The following SYNJ1 variants were observed in gnomAD, a reference collection of about 807,000 sequenced individuals.
SYNJ1 encodes synaptojanin 1.
In SYNJ1, 78 loss-of-function variants were observed where a neutral mutation model predicts 168.2. That is an observed-to-expected ratio of 0.46 (90% CI 0.39 to 0.56). The LOEUF is 0.56. SYNJ1 is among the 20% of genes least tolerant of loss of function. SYNJ1 has a pLI of 0.00. For missense variants in SYNJ1, 1,303 were observed against 1,597.6 expected, an observed-to-expected ratio of 0.82 and a Z score of 3.14; for synonymous variants, 539 against 548.6, an observed-to-expected ratio of 0.98 and a Z score of 0.24.
intron 2 of SYNJ1, among the ~76,000 whole-genome samples, chr21:32,717,854 C>T (rs1340763249): frequency 6.6e-6 from 1 of 152,186 alleles, no homozygotes; most frequent in African/African-American, 2.4e-5. Flanking sequence ...CTTGGCCTCC[C>T]CATATTCCCT....
Position 32,646,588 on chromosome 21 carries a change from A to G in SYNJ1, c.3052T>C (p.Tyr1018His), listed in dbSNP as rs867930716. ...AGAAGTTCCTCCACTTCAGCACTAT[A>G]GTCATCAACATCACCTAAGGAAAAG... ...DFDMEGDVDD[Y>H]SAEVEELLPQ... Residue 1018 changes from tyrosine to histidine, a missense_variant, in exon 24 of 33, where the codon TAT (tyrosine) becomes CAT (histidine). Tyr to His is a moderately conservative substitution (Grantham distance 83). This residue lies in a region of SYNJ1 where 383 missense variants were observed against 388.8 expected (regional missense o/e 0.99). Coordinates refer to ENST00000674351, the MANE Select transcript of SYNJ1 (RefSeq NM_203446.3). 4 of 1,613,938 alleles carry G rather than the reference A, an allele frequency of 2.5e-6. No homozygotes were observed. Among genetic ancestry groups the G allele is most frequent in the East Asian group, 2.2e-5 (1 of 44,906 alleles).
At chr21:32,699,312 T>A (rs1249072170) in intron 4 of SYNJ1, among the ~76,000 whole-genome samples, 1 of 152,172 alleles carries the variant, frequency 6.6e-6, no homozygotes. Flanking sequence ...CTCACCAAGG[T>A]TTGGGGGATC....
At chr21:32,694,963 A>T (rs2042150993) in intron 5 of SYNJ1, 94 bp downstream of exon 5, 7 of 1,239,850 alleles carry the variant, frequency 5.6e-6, no homozygotes, top group Non-Finnish European at 5.6e-6. Flanking sequence ...AGATGTTAAA[A>T]TAAGCTCCGA....
chr21:32,683,270 T>C (rs145623921), intron 10 of SYNJ1, among the ~76,000 whole-genome samples: 1 of 152,202 alleles, frequency 6.6e-6, no homozygotes, highest in African/African-American at 2.4e-5. Flanking sequence ...AAGCTCAGCA[T>C]TGCTAAATAG....
Position 32,656,719 on chromosome 21 carries a change from C to T in SYNJ1, c.2763G>A (p.Gln921=). The T allele has an allele frequency of 6.2e-7, 1 of 1,613,834 alleles. No homozygotes were observed. The highest frequency in any genetic ancestry group is 1.1e-5 in the South Asian group (1 of 91,052). ...GTATAACTTCACCAAAACTTGCAAA[C>T]TGCTGCAGAAGCTCATCAATCAAGG... ...DDALIDELLQ[Q]FASFGEVILI... The change falls in exon 21 of 33, where the codon CAG becomes CAA. Residue 921 remains glutamine, a synonymous_variant. Transcript: ENST00000674351.
Position 32,631,714 on chromosome 21 carries a change from C to T in SYNJ1, c.*91G>A. 1 of 1,614,208 alleles carries T rather than the reference C, an allele frequency of 6.2e-7. No homozygotes were observed. The highest frequency in any genetic ancestry group is 8.5e-7 in the Non-Finnish European group (1 of 1,180,032). On this transcript the variant is annotated 3_prime_UTR_variant, in exon 33 of 33. Coordinates refer to ENST00000674351, the MANE Select transcript of SYNJ1 (RefSeq NM_203446.3). ...TGAACAGATAGCTGAGCCTTTGATA[C>T]AGCAAGCAGATTAAATGACAGATCT... is the stretch of plus-strand genomic sequence containing the variant.
chr21:32,676,313 T>C lies in SYNJ1; in HGVS notation c.1534+19A>G, dbSNP rs751434442. 1 of 1,555,132 alleles carries C rather than the reference T, an allele frequency of 6.4e-7. No individual in the cohort carries two copies. Among genetic ancestry groups the C allele is most frequent in the Non-Finnish European group, 8.7e-7 (1 of 1,152,946 alleles). On this transcript the variant is annotated intron_variant, in intron 13 of 32. Transcript: ENST00000674351. ...AGAAAAAATTGCTTTTATTTATAGA[T>C]TGATTTTCTATACTGTACCTGACTG...
chr21:32,634,523 A>C (rs2039475406), intron 32 of SYNJ1, among the ~76,000 whole-genome samples: 1 of 152,208 alleles, frequency 6.6e-6, no homozygotes, highest in Non-Finnish European at 1.5e-5. Context: ...TAATTACATA[A>C]ATGCCATTGT....
intron 6 of SYNJ1, 69 bp downstream of exon 6, chr21:32,694,159 C>G: frequency 2.7e-6 from 3 of 1,119,388 alleles, no homozygotes; most frequent in Non-Finnish European, 3.7e-6. Flanking sequence ...AATTAATAAA[C>G]TATCCAGAAA....
chr21:32,706,803 T>C (rs550262172), intron 2 of SYNJ1, among the ~76,000 whole-genome samples: 1 of 152,266 alleles, frequency 6.6e-6, no homozygotes, highest in Non-Finnish European at 1.5e-5. Flanking sequence ...ATGAACCTAA[T>C]TAAATTTCTG....
Position 32,684,032 on chromosome 21 carries a change from T to C in SYNJ1, c.1200+6A>G, listed in dbSNP as rs754273455. 2 of 1,613,078 alleles carry C rather than the reference T, an allele frequency of 1.2e-6. No homozygotes were observed. The highest frequency in any genetic ancestry group is 3.3e-5 in the Admixed American group (2 of 60,000). On this transcript the variant is annotated splice_donor_region_variant and intron_variant, in intron 10 of 32. Transcript: ENST00000674351. ...AAGGCACATACATTTTAATTTATTC[T>C]TTTACCTCTAAGCCAAGAAATGCCT...
At chr21:32,647,147 C>A (rs572166273) in intron 23 of SYNJ1, among the ~76,000 whole-genome samples, 6 of 152,334 alleles carry the variant, frequency 3.9e-5, no homozygotes, top group Admixed American at 2.0e-4. Flanking sequence ...GGAAAGTGGG[C>A]ACAAGGTAAC....
intron 2 of SYNJ1, among the ~76,000 whole-genome samples, chr21:32,709,150 T>TTGAAATGTA (rs2042724040): frequency 1.3e-5 from 2 of 152,160 alleles, no homozygotes; most frequent in Non-Finnish European, 2.9e-5. Flanking sequence ...CACCCATGGA[T>TTGAAATGTA]CCAACACGCT....
intron 10 of SYNJ1, among the ~76,000 whole-genome samples, chr21:32,682,010 A>G (rs1474407006): frequency 1.3e-5 from 2 of 152,160 alleles, no homozygotes; most frequent in East Asian, 3.8e-4. Context: ...AACATAAATA[A>G]CTAGGTCTCT....
intron 4 of SYNJ1, among the ~76,000 whole-genome samples, chr21:32,697,482 C>G (rs1208487938): frequency 6.8e-6 from 1 of 147,226 alleles, no homozygotes; most frequent in Non-Finnish European, 1.5e-5. Context: ...GCCCCCATCT[C>G]TACTCTTAAG....
chr21:32,630,507 T>G lies in SYNJ1; in HGVS notation c.*1298A>C. 1 of 154,432 alleles carries G rather than the reference T, an allele frequency of 6.5e-6. No homozygotes were observed. 9.6% of individuals were successfully genotyped at this position (154,432 alleles called of 1,614,324 possible). A position where few individuals can be genotyped will look rare whatever the true frequency, so the allele number is the denominator to read the frequency against. ...GTAAATGTATACAGAAGTACATGTG[T>G]TTGTATGTATTATATATGTACACAT... On this transcript the variant is annotated 3_prime_UTR_variant, in exon 33 of 33. Transcript: ENST00000674351.
chr21:32,706,289 T>C (rs2042605311), intron 2 of SYNJ1, among the ~76,000 whole-genome samples: 1 of 152,186 alleles, frequency 6.6e-6, no homozygotes, highest in South Asian at 2.1e-4. Context: ...CTGGATCCTT[T>C]TGCTATAAAA....
chr21:32,639,814 C>T lies in SYNJ1; in HGVS notation c.3589-35G>A, dbSNP rs768159446. On this transcript the variant is annotated intron_variant, in intron 29 of 32. Coordinates refer to ENST00000674351, the MANE Select transcript of SYNJ1 (RefSeq NM_203446.3). ...GGAAACATAACACTTGAGACATTTA[C>T]TTACCTTCCACAGGTAAAATTCTGT... The T allele has an allele frequency of 3.2e-6, 5 of 1,556,212 alleles. No individual in the cohort carries two copies. The South Asian group carries it at 3.4e-5, about 10-fold the overall frequency.
At position 32,639,028 on chromosome 21, in the gene SYNJ1, G is replaced by T; in HGVS notation, c.3795C>A (p.Val1265=). The change falls in exon 31 of 33, where the codon GTC becomes GTA. Residue 1265 remains valine (V), a synonymous_variant. Coordinates refer to ENST00000674351, the MANE Select transcript of SYNJ1 (RefSeq NM_203446.3). ...ACTGAGGCATAGGTGCTGCCACAGG[G>T]ACAAGAGGCTCTTGCAACCTTTGAG... ...PPAQRLQEPL[V]PVAAPMPQSG... The T allele has an allele frequency of 3.1e-6, 5 of 1,614,116 alleles. No homozygotes were observed. Among genetic ancestry groups the T allele is most frequent in the Non-Finnish European group, 4.2e-6 (5 of 1,179,964 alleles).
Sources: allele counts gnomAD v4.1 joint callset (sites outside exome capture counted in the v4.1 genomes callset), GRCh38; gene constraint gnomAD v4.1.1; regional missense constraint gnomAD v4.1.1; transcripts MANE v1.5; gene names NCBI Gene and HGNC (gene_info 2026-07-23, HGNC 2026-07-21).